TBC1D1: variants seen among roughly 807,000 people sequenced by gnomAD.
The protein encoded by TBC1D1 is TBC1 domain family member 1.
TBC1D1 carries 89 observed loss-of-function variants against 125.6 expected under a neutral mutation model. The observed-to-expected ratio is 0.71, with a 90% CI of 0.60 to 0.85. The LOEUF is 0.85. Among genes scored for constraint, TBC1D1 ranks in the 40% least tolerant of loss-of-function variants. The pLI is 0.00. For synonymous variants in TBC1D1, 565 were observed against 564.1 expected (o/e 1.00, Z -0.02); for missense variants, 1,377 against 1,469.2 (o/e 0.94, Z 1.03).
intron 12 of TBC1D1, 107 bp from the exon 15 acceptor site, chr4:38,089,825 T>G: frequency 8.7e-7 from 1 of 1,154,028 alleles, no homozygotes. Flanking sequence ...TTTGGTGATA[T>G]TATTATATTT....
chr4:37,920,334 G>A (rs1232466547), intron 2 of TBC1D1, among the ~76,000 whole-genome samples: 1 of 152,144 alleles, frequency 6.6e-6, no homozygotes, highest in Non-Finnish European at 1.5e-5. Flanking sequence ...GCCACTAGGT[G>A]AGCTCTCTTC....
intron 12 of TBC1D1, among the ~76,000 whole-genome samples, chr4:38,076,053 T>C (rs1238170133): frequency 6.6e-6 from 1 of 152,200 alleles, no homozygotes; most frequent in Non-Finnish European, 1.5e-5. Context: ...CCTGTATTAG[T>C]CCGTTCTCAC....
In TBC1D1 at chr4:37,964,567, C is replaced by T. The variant is rs534731847; in HGVS notation, c.418-49942C>T. Among the ~76,000 whole-genome samples the T allele has an allele frequency of 3.9e-5, 6 of 152,296 alleles. No homozygotes were observed. The South Asian group carries it at 1.0e-3, about 26-fold the overall frequency. On this transcript the variant is annotated intron_variant, in intron 2 of 19. Transcript: ENST00000261439. ...CCAATGTGCCTGCCTTCCCGAGATCCGGCAGCACAGCTCCTGCTTTGTCCT... is the reference window on the plus strand; with the variant it reads ...CCAATGTGCCTGCCTTCCCGAGATCTGGCAGCACAGCTCCTGCTTTGTCCT...
intron 1 of TBC1D1, among the ~76,000 whole-genome samples, chr4:37,901,642 T>A (rs1716026087): frequency 6.6e-6 from 1 of 152,252 alleles, no homozygotes; most frequent in African/African-American, 2.4e-5. Flanking sequence ...AAAATGTAAG[T>A]AATATCTTAA....
intron 1 of TBC1D1, among the ~76,000 whole-genome samples, chr4:37,894,882 A>T (rs941110597): frequency 1.3e-5 from 2 of 152,204 alleles, no homozygotes; most frequent in African/African-American, 4.8e-5. Flanking sequence ...AAACAACAGA[A>T]GTTTGTAGAT....
chr4:38,020,086 G>A (rs1195805979), intron 4 of TBC1D1, among the ~76,000 whole-genome samples: 1 of 152,134 alleles, frequency 6.6e-6, no homozygotes, highest in African/African-American at 2.4e-5. Context: ...TGTTGTGGGA[G>A]TAATCAAAGG....
Position 37,897,962 on chromosome 4 carries a change from C to T in TBC1D1, c.-93-4041C>T, listed in dbSNP as rs546956305. Among the ~76,000 whole-genome samples, 13 of 152,288 alleles carry T rather than the reference C, an allele frequency of 8.5e-5. No homozygotes were observed. In the East Asian group the frequency reaches 2.5e-3, roughly 29 times the overall value. ...CTTTAAAGGACAGTCAGGGACTTTACTTTCATGAAATGCCTGAGCTGTAAA... is the reference window on the plus strand; with the variant it reads ...CTTTAAAGGACAGTCAGGGACTTTATTTTCATGAAATGCCTGAGCTGTAAA... On this transcript the variant is annotated intron_variant, in intron 1 of 19. Coordinates refer to ENST00000261439, the MANE Select transcript of TBC1D1 (RefSeq NM_015173.4).
chr4:37,907,856 T>C (rs1400335212), intron 2 of TBC1D1, among the ~76,000 whole-genome samples: 2 of 152,240 alleles, frequency 1.3e-5, no homozygotes, highest in Non-Finnish European at 2.9e-5. Flanking sequence ...ACAAAATCTC[T>C]ACTCAGAAGA....
chr4:38,064,686 C>T (rs370112258), intron 12 of TBC1D1, among the ~76,000 whole-genome samples: 7 of 149,502 alleles, frequency 4.7e-5, no homozygotes, highest in Non-Finnish European at 1.0e-4. Context: ...TGCAGTGGTG[C>T]GATCTCCGCT....
intron 14 of TBC1D1, among the ~76,000 whole-genome samples, chr4:38,098,628 G>A (rs1031107923): frequency 1.4e-4 from 22 of 152,258 alleles, no homozygotes; most frequent in African/African-American, 5.3e-4. Flanking sequence ...CCATAAAGGG[G>A]GCTTTGTCAG....
At chr4:37,970,745 T>C (rs1731854736) in intron 2 of TBC1D1, among the ~76,000 whole-genome samples, 2 of 152,262 alleles carry the variant, frequency 1.3e-5, no homozygotes, top group South Asian at 2.1e-4. Context: ...CTTTCCAAAA[T>C]AGGTGCTAAT....
chr4:38,120,231 G>T, intron 17 of TBC1D1: 1 of 608,448 alleles, frequency 1.6e-6, no homozygotes, highest in Non-Finnish European at 2.1e-6. Flanking sequence ...TGTGCTAAGT[G>T]GGTCGTTGTC....
chr4:38,093,236 G>GA (rs1446933377), intron 13 of TBC1D1, among the ~76,000 whole-genome samples: 3 of 151,988 alleles, frequency 2.0e-5, no homozygotes, highest in African/African-American at 7.3e-5. Context: ...ATACTCTTTG[G>GA]GAAAGAATTT....
At chr4:38,020,079 T>TG (rs1456587163) in intron 4 of TBC1D1, among the ~76,000 whole-genome samples, 3 of 152,134 alleles carry the variant, frequency 2.0e-5, no homozygotes, top group African/African-American at 7.2e-5. Context: ...TTCTTATTGT[T>TG]GTGGGAGTAA....
rs1357552603 is a variant in TBC1D1, at chr4:38,020,689, G to A, written c.1071G>A (p.Glu357=). 3.7e-6 allele frequency: 6 copies of A among 1,611,574 alleles called. No individual in the cohort carries two copies. In the African/African-American group the frequency reaches 6.7e-5, roughly 18 times the overall value. The stretch of plus-strand genomic sequence containing the variant: ...GTTACGTGTTTCAGTGCACAAATGA[G>A]GCTCTGGTGAGAGAGGACAAGCAAT... The change falls in exon 5 of 20, where the codon GAG becomes GAA. Residue 357 remains glutamate (E), a synonymous_variant. Transcript: ENST00000261439.
chr4:37,987,234 A>C (rs576957234), intron 2 of TBC1D1, among the ~76,000 whole-genome samples: 1 of 152,218 alleles, frequency 6.6e-6, no homozygotes, highest in African/African-American at 2.4e-5. Context: ...TAGAAGTCTC[A>C]TAATTAATTT....
intron 15 of TBC1D1, among the ~76,000 whole-genome samples, chr4:38,114,083 G>A (rs559741279): frequency 6.6e-6 from 1 of 152,094 alleles, no homozygotes; most frequent in Non-Finnish European, 1.5e-5. Context: ...AACCTAGAGG[G>A]GTCAGAGACC....
intron 12 of TBC1D1, among the ~76,000 whole-genome samples, chr4:38,072,963 G>T (rs756761693): frequency 6.6e-6 from 1 of 151,444 alleles, no homozygotes; most frequent in Admixed American, 6.6e-5. Context: ...TTTTTTTTCC[G>T]CCTTTTTTTT....
chr4:38,119,304 C>T (rs1301026489), intron 17 of TBC1D1, among the ~76,000 whole-genome samples: 1 of 149,432 alleles, frequency 6.7e-6, no homozygotes, highest in Non-Finnish European at 1.5e-5. Context: ...CTTCTTCTCT[C>T]TTTTCCTTTC....
Sources: gnomAD v4.1 joint callset for allele counts (sites outside exome capture counted in the v4.1 genomes callset) on GRCh38, gnomAD v4.1.1 for gene constraint, MANE v1.5 for transcripts, NCBI Gene and HGNC (gene_info 2026-07-23, HGNC 2026-07-21) for gene names.